The following HDAC4 variants were observed in gnomAD, a reference collection of about 807,000 sequenced individuals.
The protein encoded by HDAC4 is histone deacetylase A.
Under a neutral mutation model 135.1 loss-of-function variants are expected in HDAC4, and 16 were observed. The observed-to-expected ratio is 0.12, with a 90% CI of 0.08 to 0.18. HDAC4 has a LOEUF of 0.18. Ranked by LOEUF, HDAC4 falls within the 10% of genes least tolerant of loss-of-function variation. The probability of loss-of-function intolerance (pLI) is 1.00; values close to 1 mark genes in which losing one functional copy is unlikely to be tolerated. For missense variants in HDAC4, 1,143 were observed against 1,511.8 expected (o/e 0.76, Z 4.05); for synonymous variants, 685 against 653.4 (o/e 1.05, Z -0.74).
rs1310068605 is a variant in HDAC4, at chr2:239,400,971, G to A, written c.-220+7C>T. ...CTCCCCTCCTCATTCACAAAAAATT[G>A]ACCCACGTTGAACCATGATGCTTCT... On this transcript the variant is annotated splice_region_variant and intron_variant, in intron 1 of 26. Transcript: ENST00000543185. The surrounding 1 kb of genome is among the most constrained non-coding windows in gnomAD (Gnocchi z 4.7). 2.0e-5 allele frequency: 3 copies of A among 152,356 alleles called. No individual in the cohort carries two copies. The highest frequency in any genetic ancestry group is 1.8e-4 in the South Asian group (1 of 5,630). 9.4% of individuals were successfully genotyped at this position (152,356 alleles called of 1,614,324 possible).
intron 4 of HDAC4, 35 bp from the exon 5 acceptor site, chr2:239,176,598 C>G (rs1271381473): frequency 1.9e-6 from 3 of 1,596,552 alleles, no homozygotes; most frequent in Non-Finnish European, 2.6e-6. Flanking sequence ...CGGTCAGAGC[C>G]CAGGCTCCAC....
At chr2:239,220,765 G>T (rs933491897) in intron 3 of HDAC4, among the ~76,000 whole-genome samples, 2 of 152,166 alleles carry the variant, frequency 1.3e-5, no homozygotes, top group East Asian at 3.9e-4. Context: ...ACTTTAAATG[G>T]ATAACAGATG....
At position 239,052,699 on chromosome 2, in the gene HDAC4, GTTTGT is replaced by G. The variant is rs1246182928; in HGVS notation, c.*393_*397del. ...AACTTTAAGCACCAGTTTTAATCAA[GTTTGT>G]TTTGTATTATTAGATCTTTGATATT... is the stretch of plus-strand genomic sequence containing the variant. On this transcript the variant is annotated 3_prime_UTR_variant, in exon 27 of 27. Transcript: ENST00000543185. The G allele has an allele frequency of 3.8e-6, 1 of 264,886 alleles. No homozygotes were observed. The highest frequency in any genetic ancestry group is 2.2e-5 in the African/African-American group (1 of 45,462). The allele number at this position is 264,886 out of a possible 1,614,324, so 16.4% of individuals were successfully genotyped here.
intron 2 of HDAC4, among the ~76,000 whole-genome samples, chr2:239,297,814 T>G (rs756039560): frequency 3.9e-5 from 6 of 152,226 alleles, no homozygotes; most frequent in Non-Finnish European, 7.3e-5. Context: ...ACTATGTTTA[T>G]CACTTTAGAA....
chr2:239,093,137 G>C (rs915333596), intron 17 of HDAC4, among the ~76,000 whole-genome samples: 1 of 152,152 alleles, frequency 6.6e-6, no homozygotes, highest in Non-Finnish European at 1.5e-5. Flanking sequence ...TGAAACTTGC[G>C]GTCACTGGAG....
At chr2:239,056,181 C>G (rs2031813950) in intron 24 of HDAC4, among the ~76,000 whole-genome samples, 1 of 152,220 alleles carries the variant, frequency 6.6e-6, no homozygotes, top group African/African-American at 2.4e-5. Flanking sequence ...CAAATGAGCA[C>G]AGCCGGTTAA....
intron 1 of HDAC4, among the ~76,000 whole-genome samples, chr2:239,391,810 A>G (rs74675304): frequency 0.038 from 5,755 of 152,294 alleles, 377 homozygotes; most frequent in African/African-American, 0.13. Context: ...GGAGAAGGAT[A>G]CGTGAAACAA....
chr2:239,271,068 GC>G (rs1182874883), intron 2 of HDAC4, among the ~76,000 whole-genome samples: 2 of 152,226 alleles, frequency 1.3e-5, no homozygotes, highest in Non-Finnish European at 2.9e-5. Flanking sequence ...TGAAGGAAAT[GC>G]AAGATTCAGA....
chr2:239,384,019 C>G (rs1013466274), intron 1 of HDAC4, among the ~76,000 whole-genome samples: 8 of 152,220 alleles, frequency 5.3e-5, no homozygotes, highest in African/African-American at 1.9e-4. Context: ...AGGCGCAGTC[C>G]ACTCTCGCCT....
intron 18 of HDAC4, among the ~76,000 whole-genome samples, chr2:239,088,641 G>A (rs1431130093): frequency 2.6e-5 from 4 of 152,182 alleles, no homozygotes; most frequent in Non-Finnish European, 4.4e-5. Flanking sequence ...GTGTGTGTGA[G>A]CAGCTTCTCT....
chr2:239,380,631 A>G (rs1374696250), intron 1 of HDAC4, among the ~76,000 whole-genome samples: 1 of 152,236 alleles, frequency 6.6e-6, no homozygotes, highest in African/African-American at 2.4e-5. Flanking sequence ...AACCACGTGA[A>G]TATAATTAAC....
chr2:239,212,214 A>G (rs1384259428), intron 3 of HDAC4, among the ~76,000 whole-genome samples: 1 of 152,160 alleles, frequency 6.6e-6, no homozygotes, highest in East Asian at 1.9e-4. Context: ...AGCCAAAATC[A>G]TCTCTAACCT....
chr2:239,106,419 C>T (rs1426459805), intron 15 of HDAC4, among the ~76,000 whole-genome samples: 1 of 152,184 alleles, frequency 6.6e-6, no homozygotes, highest in Admixed American at 6.5e-5. Flanking sequence ...CCAGAAGGGG[C>T]AGCAGGACAG....
intron 3 of HDAC4, among the ~76,000 whole-genome samples, chr2:239,213,372 C>T (rs559754121): frequency 2.0e-5 from 3 of 152,210 alleles, no homozygotes; most frequent in African/African-American, 4.8e-5. Flanking sequence ...CACAACTCAG[C>T]GGTGCCCGCG....
At chr2:239,133,313 G>T (rs1439610526) in intron 11 of HDAC4, among the ~76,000 whole-genome samples, 1 of 152,188 alleles carries the variant, frequency 6.6e-6, no homozygotes, top group Non-Finnish European at 1.5e-5. Context: ...CCAAGCCCCT[G>T]AGTTTTCACC....
At chr2:239,366,206 A>G (rs909323444) in intron 1 of HDAC4, among the ~76,000 whole-genome samples, 1 of 151,192 alleles carries the variant, frequency 6.6e-6, no homozygotes, top group African/African-American at 2.4e-5. Flanking sequence ...ACATGCATGC[A>G]CACAGCAGGG....
chr2:239,134,270 C>A lies in HDAC4; in HGVS notation c.1269G>T (p.Pro423=), dbSNP rs35291459. ...LLQHMVLLEQ[P]PAQAPLVTDW... is the part of the protein sequence containing the mutation. ...CTGTGACGAGGGGTGCTTGTGCCGG[C>A]GGCTGCTCCAGTAAGACCATGTGCT... Residue 423 remains proline (P), a synonymous_variant, in exon 11 of 27, where the codon CCG becomes CCT. Transcript: ENST00000543185. The A allele has an allele frequency of 1.9e-6, 3 of 1,612,282 alleles. No individual in the cohort carries two copies. The highest frequency in any genetic ancestry group is 8.5e-7 in the Non-Finnish European group (1 of 1,179,970).
At chr2:239,395,902 A>G (rs906264488) in intron 1 of HDAC4, among the ~76,000 whole-genome samples, 1 of 152,244 alleles carries the variant, frequency 6.6e-6, no homozygotes, top group African/African-American at 2.4e-5. Context: ...AATGGCATTT[A>G]AGATTTTGAC....
intron 23 of HDAC4, 108 bp from the exon 24 acceptor site, chr2:239,066,963 G>C (rs193199806): frequency 1.5e-6 from 2 of 1,348,078 alleles, no homozygotes; most frequent in Non-Finnish European, 2.1e-6. Flanking sequence ...CTGGGGTGTC[G>C]AGACACATGG....
Sources: gnomAD v4.1 joint callset for allele counts (sites outside exome capture counted in the v4.1 genomes callset) on GRCh38, gnomAD v4.1.1 for gene constraint, Gnocchi (gnomAD v3.1) non-coding constraint, MANE v1.5 for transcripts, NCBI Gene and HGNC (gene_info 2026-07-23, HGNC 2026-07-21) for gene names.